The following ZNF112 variants were observed in gnomAD, a reference collection of about 807,000 sequenced individuals.
The protein encoded by ZNF112 is zinc finger protein 112 (Y14).
A neutral mutation model predicts 77.7 loss-of-function variants in ZNF112; 37 were observed. That is an observed-to-expected ratio of 0.48 (90% CI 0.37 to 0.63). ZNF112 has a LOEUF of 0.63. Among genes scored for constraint, ZNF112 ranks in the 20% least tolerant of loss-of-function variants. The pLI, the probability that ZNF112 is intolerant of heterozygous loss-of-function variation, is 0.00. For missense variants in ZNF112, 950 were observed against 1,077.4 expected, an observed-to-expected ratio of 0.88 and a Z score of 1.66; for synonymous variants, 333 against 363.6, an observed-to-expected ratio of 0.92 and a Z score of 0.96.
upstream of ZNF112, among the ~76,000 whole-genome samples, chr19:44,359,344 T>C (rs1310168412): frequency 2.4e-5 from 3 of 125,818 alleles, no homozygotes; most frequent in Admixed American, 1.8e-4. Flanking sequence ...TTTTTTTTTT[T>C]TGAGAGTCTC....
chr19:44,362,974 A>C (rs538189544), intron 1 of ZNF112, among the ~76,000 whole-genome samples: 1 of 152,250 alleles, frequency 6.6e-6, no homozygotes, highest in Admixed American at 6.5e-5. Flanking sequence ...TTTTACTAAA[A>C]AAAATTTTTT....
At chr19:44,331,577 G>T (rs1345084984) in intron 3 of ZNF112, among the ~76,000 whole-genome samples, 4 of 152,046 alleles carry the variant, frequency 2.6e-5, no homozygotes, top group Non-Finnish European at 4.4e-5. Flanking sequence ...GCAGTAAAAG[G>T]GATGTTTTTT....
At chr19:44,334,016 C>T (rs575601104) in intron 3 of ZNF112, among the ~76,000 whole-genome samples, 4 of 152,120 alleles carry the variant, frequency 2.6e-5, no homozygotes, top group Non-Finnish European at 5.9e-5. Context: ...GAACAAAATA[C>T]GGATAGTGAT....
chr19:44,352,471 C>G (rs937673274), intron 1 of ZNF112, among the ~76,000 whole-genome samples: 2 of 152,040 alleles, frequency 1.3e-5, no homozygotes, highest in African/African-American at 4.8e-5. Flanking sequence ...CTTGACATAA[C>G]TATTCAACAC....
intron 1 of ZNF112, among the ~76,000 whole-genome samples, chr19:44,353,466 G>A (rs1196610590): frequency 6.6e-6 from 1 of 152,040 alleles, no homozygotes; most frequent in Non-Finnish European, 1.5e-5. Flanking sequence ...GCTACAGGCT[G>A]AGAAGGAATA....
Position 44,340,321 on chromosome 19 carries a change from A to G in ZNF112, c.124+95T>C, listed in dbSNP as rs1468957336. 1.1e-5 allele frequency: 17 copies of G among 1,520,792 alleles called. No homozygotes were observed. In the East Asian group the frequency reaches 2.0e-4, roughly 18 times the overall value. The allele number at this position is 1,520,792 out of a possible 1,614,324, so 94.2% of individuals were successfully genotyped here. A position where few individuals can be genotyped will look rare whatever the true frequency, so the allele number is the denominator to read the frequency against. ...AGGACTCTCGGGCACCTAATCTCAG[A>G]GAATAATTTCAGGGGCTTCAGAGTT... On this transcript the variant is annotated intron_variant, in intron 2 of 3. Coordinates refer to ENST00000354340, the MANE Select transcript of ZNF112 (RefSeq NM_013380.4).
At position 44,329,652 on chromosome 19, in the gene ZNF112, G is replaced by A. The variant is rs778912449; in HGVS notation, c.505C>T (p.Pro169Ser). The change falls in exon 4 of 4, where the codon CCA becomes TCA. Residue 169 changes from proline (P) to serine (S), a missense_variant. Pro to Ser is a moderately conservative substitution (Grantham distance 74). Coordinates refer to ENST00000354340, the MANE Select transcript of ZNF112 (RefSeq NM_013380.4). The stretch of plus-strand genomic sequence containing the variant: ...CAAGAATGATGTGCCCTCCAAGATG[G>A]ATACCCTTGACTTTTTATATAATTG... ...GSNYIKSQGY[P>S]SWRAHHSWRK... 1.2e-6 allele frequency: 2 copies of A among 1,614,090 alleles called. No individual in the cohort carries two copies. Among genetic ancestry groups the A allele is most frequent in the South Asian group, 2.2e-5 (2 of 91,084 alleles).
chr19:44,361,367 G>C (rs1970853734), upstream of ZNF112, among the ~76,000 whole-genome samples: 1 of 152,042 alleles, frequency 6.6e-6, no homozygotes, highest in African/African-American at 2.4e-5. Flanking sequence ...TTATGATTCA[G>C]ACACTTTTCT....
At chr19:44,359,011 C>T (rs138181035), upstream of ZNF112, among the ~76,000 whole-genome samples, 326 of 152,284 alleles carry the variant, frequency 2.1e-3, 2 homozygotes, top group Non-Finnish European at 3.9e-3. Context: ...GTTTTTCTAA[C>T]ACTTGAATAA....
intron 1 of ZNF112, among the ~76,000 whole-genome samples, chr19:44,364,178 G>A (rs1166850836): frequency 6.6e-6 from 1 of 152,076 alleles, no homozygotes; most frequent in Non-Finnish European, 1.5e-5. Context: ...CCAAAGTACT[G>A]GAATTACAGG....
intron 1 of ZNF112, among the ~76,000 whole-genome samples, chr19:44,347,478 T>C (rs146545308): frequency 7.2e-6 from 1 of 139,796 alleles, no homozygotes; most frequent in Non-Finnish European, 1.5e-5. Flanking sequence ...TGCCTTCTTT[T>C]GGGTTGATTT....
intron 3 of ZNF112, among the ~76,000 whole-genome samples, chr19:44,334,442 T>C (rs943461046): frequency 1.3e-5 from 2 of 152,134 alleles, no homozygotes; most frequent in African/African-American, 4.8e-5. Context: ...TGGGGAGAAA[T>C]TCAAGGCTGC....
chr19:44,350,206 G>A (rs1379629603), intron 1 of ZNF112, among the ~76,000 whole-genome samples: 1 of 152,002 alleles, frequency 6.6e-6, no homozygotes, highest in Admixed American at 6.6e-5. Context: ...TTCATCAGCA[G>A]GTACTTTGCA....
At chr19:44,346,529 A>G (rs766616157) in intron 1 of ZNF112, among the ~76,000 whole-genome samples, 1 of 152,206 alleles carries the variant, frequency 6.6e-6, no homozygotes, top group Non-Finnish European at 1.5e-5. Flanking sequence ...CCCTTTCAAC[A>G]TTCTGAAAAA....
intron 1 of ZNF112, among the ~76,000 whole-genome samples, chr19:44,353,456 G>C (rs1477775665): frequency 6.6e-6 from 1 of 151,910 alleles, no homozygotes; most frequent in Non-Finnish European, 1.5e-5. Context: ...GAAAAGACAA[G>C]CTACAGGCTG....
chr19:44,358,156 GAA>G (rs59023124), upstream of ZNF112, among the ~76,000 whole-genome samples: 7 of 130,390 alleles, frequency 5.4e-5, 1 homozygote, highest in East Asian at 1.2e-3. Context: ...CGTCTCAAAA[GAA>G]AAAAAAAAAG....
intron 2 of ZNF112, among the ~76,000 whole-genome samples, chr19:44,337,332 T>TAC (rs1970389914): frequency 9.6e-6 from 1 of 104,614 alleles, no homozygotes; most frequent in African/African-American, 3.9e-5. Flanking sequence ...ATAAAATATA[T>TAC]ATACATTTTG....
rs1203333385 is a variant in ZNF112, at chr19:44,328,890, T to A, written c.1267A>T (p.Asn423Tyr). ...EYGKSFICSSNLDIQHRVHME... is the reference protein window; with the variant it reads ...EYGKSFICSSYLDIQHRVHME... ...TGAACCCTATGCTGAATGTCAAGAT[T>A]TGAACTACAAATGAAACTCTTTCCA... The change falls in exon 4 of 4, where the codon AAT becomes TAT. Residue 423 changes from asparagine (N) to tyrosine (Y), a missense_variant. This residue lies in a region of ZNF112 where 560 missense variants were observed against 557.3 expected (regional missense o/e 1.00). Transcript: ENST00000354340. The A allele has an allele frequency of 6.2e-7, 1 of 1,614,036 alleles. No homozygotes were observed. Among genetic ancestry groups the A allele is most frequent in the East Asian group, 2.2e-5 (1 of 44,872 alleles).
chr19:44,353,136 C>A (rs1970722629), intron 1 of ZNF112, among the ~76,000 whole-genome samples: 1 of 152,016 alleles, frequency 6.6e-6, no homozygotes, highest in Non-Finnish European at 1.5e-5. Context: ...GAGATACACA[C>A]ATAGATCAAT....
Sources: allele counts gnomAD v4.1 joint callset (sites outside exome capture counted in the v4.1 genomes callset), GRCh38; gene constraint gnomAD v4.1.1; regional missense constraint gnomAD v4.1.1; transcripts MANE v1.5; gene names NCBI Gene and HGNC (gene_info 2026-07-23, HGNC 2026-07-21).